Variants in THAP9 observed in about 807,000 individuals in gnomAD.
THAP9 encodes the protein THAP domain containing 9, also known as DNA transposase THAP9.
In THAP9, 20 loss-of-function variants were observed where a neutral mutation model predicts 35.7. The ratio of observed to expected loss-of-function variants is 0.56; its 90% CI spans 0.39 to 0.81. The LOEUF (loss-of-function observed/expected upper bound fraction) is 0.81, where lower values mean the gene tolerates loss of function less well. THAP9 is among the 40% of genes least tolerant of loss of function. The pLI, the probability that THAP9 is intolerant of heterozygous loss-of-function variation, is 0.00. For synonymous variants in THAP9, 335 were observed against 373.7 expected, an observed-to-expected ratio of 0.90 and a Z score of 1.19; for missense variants, 870 against 1,047.4, an observed-to-expected ratio of 0.83 and a Z score of 2.34.
rs746134534 is a variant in THAP9 at position 82,901,085 on chromosome 4, C to T, written c.80+203C>T. 7 of 727,398 alleles carry T rather than the reference C, an allele frequency of 9.6e-6. No homozygotes were observed. In the Middle Eastern group the frequency reaches 9.1e-4, roughly 94 times the overall value. The allele number at this position is 727,398 out of a possible 1,614,324, so 45.1% of individuals were successfully genotyped here. ...CTCTCTTCCCGCCCAGTGTTTACCT[C>T]TGAATAGCCGGTTCTCGCACCGCCT... On this transcript the variant is annotated intron_variant, in intron 1 of 4. Coordinates refer to ENST00000302236, the MANE Select transcript of THAP9 (RefSeq NM_024672.6).
chr4:82,914,484 C>T (rs566250068), intron 4 of THAP9, among the ~76,000 whole-genome samples: 58 of 152,310 alleles, frequency 3.8e-4, no homozygotes, highest in African/African-American at 1.3e-3. Flanking sequence ...TTGCCAGCAT[C>T]TATTATTTGT....
chr4:82,901,319 C>T, intron 1 of THAP9: 1 of 372,568 alleles, frequency 2.7e-6, no homozygotes. Context: ...TGTGCAAGGC[C>T]GGTCCGATTC....
chr4:82,915,444 A>T (rs1269167979), intron 4 of THAP9, among the ~76,000 whole-genome samples: 1 of 151,966 alleles, frequency 6.6e-6, no homozygotes, highest in African/African-American at 2.4e-5. Flanking sequence ...TTTAGTAGAG[A>T]TGAGGTTTCA....
intron 3 of THAP9, among the ~76,000 whole-genome samples, chr4:82,907,179 A>G (rs1720678889): frequency 6.6e-6 from 1 of 152,168 alleles, no homozygotes; most frequent in South Asian, 2.1e-4. Context: ...CAAAATAAAA[A>G]TTGCCAACTT....
chr4:82,906,776 C>T lies in THAP9; in HGVS notation c.580+149C>T, dbSNP rs563046723. 6 of 730,110 alleles carry T rather than the reference C, an allele frequency of 8.2e-6. No homozygotes were observed. In the East Asian group the frequency reaches 1.8e-4, roughly 22 times the overall value. 45.2% of individuals were successfully genotyped at this position (730,110 alleles called of 1,614,324 possible). ...GCTTAAGAAGAATGAAAATTAATCA[C>T]CAAAATTCTTTTGTATCTTATGGTT... On this transcript the variant is annotated intron_variant, in intron 3 of 4. Coordinates refer to ENST00000302236, the MANE Select transcript of THAP9 (RefSeq NM_024672.6).
Position 82,917,066 on chromosome 4 carries a change from C to G in THAP9, c.854C>G (p.Pro285Arg), listed in dbSNP as rs1228719002. The change falls in exon 5 of 5, where the codon CCT becomes CGT. Residue 285 changes from proline (P) to arginine (R), a missense_variant. Pro to Arg is a moderately radical substitution (Grantham distance 103, BLOSUM62 -2). Around this residue, in one of 3 missense-constraint regions of THAP9, gnomAD observed 440 missense variants for 501.2 expected, o/e 0.88. Coordinates refer to ENST00000302236, the MANE Select transcript of THAP9 (RefSeq NM_024672.6). The stretch of plus-strand genomic sequence containing the variant: ...TGTTCATTGTTAATAAAAAGTATGC[C>G]TCTCAAGCAACAGCTTCAGTGGGAT... ...QYCSLLIKSM[P>R]LKQQLQWDPS... The G allele has an allele frequency of 6.2e-7, 1 of 1,613,194 alleles. No individual in the cohort carries two copies. Among genetic ancestry groups the G allele is most frequent in the Non-Finnish European group, 8.5e-7 (1 of 1,179,688 alleles).
chr4:82,914,337 A>G (rs762463093), intron 4 of THAP9, among the ~76,000 whole-genome samples: 4 of 152,206 alleles, frequency 2.6e-5, no homozygotes, highest in Admixed American at 6.5e-5. Context: ...TCCTCTGGGT[A>G]TATAACCAGT....
Position 82,904,726 on chromosome 4 carries a change from A to G in THAP9, c.81-10A>G. On this transcript the variant is annotated splice_polypyrimidine_tract_variant and intron_variant, in intron 1 of 4. Transcript: ENST00000302236. Reference sequence around the variant, plus strand: ...TTCATGTTAATGGAACTTTAATGTGATTGTCATAGATTTCCAACTGATACC... The same window carrying G: ...TTCATGTTAATGGAACTTTAATGTGGTTGTCATAGATTTCCAACTGATACC... 6.2e-7 allele frequency: 1 copy of G among 1,613,856 alleles called. No homozygotes were observed. Among genetic ancestry groups the G allele is most frequent in the South Asian group, 1.1e-5 (1 of 91,076 alleles).
chr4:82,908,035 C>A (rs1265889651), intron 4 of THAP9, 100 bp downstream of exon 4: 11 of 1,251,294 alleles, frequency 8.8e-6, no homozygotes, highest in Admixed American at 5.2e-5. Flanking sequence ...CCATATTATT[C>A]TTTTGTTGCA....
chr4:82,905,754 G>T (rs1720619690), intron 2 of THAP9: 2 of 399,184 alleles, frequency 5.0e-6, no homozygotes, highest in Admixed American at 6.2e-5. Context: ...AATAATGGCT[G>T]CCATGTGTTG....
At position 82,917,722 on chromosome 4, in the gene THAP9, TGTATTG is replaced by T. The variant is rs1420187201; in HGVS notation, c.1514_1519del (p.Ile505_Gly506del). On this transcript the variant is annotated inframe_deletion, in exon 5 of 5. Coordinates refer to ENST00000302236, the MANE Select transcript of THAP9 (RefSeq NM_024672.6). The stretch of plus-strand genomic sequence containing the variant: ...CTTAGACCTGCCACCTTTTCAAAAC[TGTATTG>T]GTACCATCCATTTTTTACGTTTAAT... 1.2e-6 allele frequency: 2 copies of T among 1,613,516 alleles called. No individual in the cohort carries two copies. Among genetic ancestry groups the T allele is most frequent in the Non-Finnish European group, 1.7e-6 (2 of 1,179,756 alleles).
chr4:82,917,261 A>C lies in THAP9; in HGVS notation c.1049A>C (p.Gln350Pro). The change falls in exon 5 of 5, where the codon CAG becomes CCG. Residue 350 changes from glutamine to proline, a missense_variant. Coordinates refer to ENST00000302236, the MANE Select transcript of THAP9 (RefSeq NM_024672.6). ...GTAAACAGAGCATCTGGATATTTGC[A>C]GGCTCAGCTGCTTCGTCTGACTATT... is the stretch of plus-strand genomic sequence containing the variant. ...FFVNRASGYL[Q>P]AQLLRLTIGK... The C allele has an allele frequency of 6.2e-7, 1 of 1,614,168 alleles. No homozygotes were observed. Among genetic ancestry groups the C allele is most frequent in the South Asian group, 1.1e-5 (1 of 91,084 alleles).
chr4:82,911,013 T>C (rs1481923261), intron 4 of THAP9, among the ~76,000 whole-genome samples: 2 of 152,146 alleles, frequency 1.3e-5, no homozygotes, highest in African/African-American at 2.4e-5. Flanking sequence ...GAGAAGGGTC[T>C]GTAGGTAGAA....
chr4:82,914,371 T>C (rs1420174259), intron 4 of THAP9, among the ~76,000 whole-genome samples: 1 of 152,216 alleles, frequency 6.6e-6, no homozygotes, highest in Non-Finnish European at 1.5e-5. Context: ...GATAAAATCA[T>C]AGTTCGCTTT....
rs1560699545 is a variant in THAP9 at position 82,917,789 on chromosome 4, GT to G, written c.1579del (p.Tyr527MetfsTer17). The G allele has an allele frequency of 1.2e-6, 2 of 1,613,938 alleles. No individual in the cohort carries two copies. Among genetic ancestry groups the G allele is most frequent in the African/African-American group, 2.7e-5 (2 of 75,036 alleles). On this transcript the variant is annotated frameshift_variant, in exon 5 of 5. Coordinates refer to ENST00000302236, the MANE Select transcript of THAP9 (RefSeq NM_024672.6). LOFTEE classifies it high-confidence loss of function. ...TTTGACATCTTTAATAGTAGGAACTGTTATGGAAAGGGACTTAAAGGGCCTC... is the reference window on the plus strand; with the variant it reads ...TTTGACATCTTTAATAGTAGGAACTGTATGGAAAGGGACTTAAAGGGCCTC... The part of the protein sequence containing the change: ...NLFDIFNSRN[C>X]YGKGLKGPLL...
rs780382339 is a variant in THAP9, at chr4:82,900,773, C to G, written c.-30C>G. The G allele has an allele frequency of 6.2e-7, 1 of 1,613,194 alleles. No individual in the cohort carries two copies. The highest frequency in any genetic ancestry group is 8.5e-7 in the Non-Finnish European group (1 of 1,179,724). ...TCGTGATTCATGCTGTCGCGGGAAC[C>G]CCGAAGGTGGGGCCCCACGTAACAA... On this transcript the variant is annotated 5_prime_UTR_variant, in exon 1 of 5. Coordinates refer to ENST00000302236, the MANE Select transcript of THAP9 (RefSeq NM_024672.6).
At position 82,902,080 on chromosome 4, in the gene THAP9, T is replaced by G. The variant is rs546614921; in HGVS notation, c.80+1198T>G. 1.1e-3 allele frequency among the ~76,000 whole-genome samples: 166 copies of G among 151,074 alleles called. 1 individual carries two copies. The highest frequency in any genetic ancestry group is 2.0e-3 in the Non-Finnish European group (135 of 67,836). ...TCAAAACTAGTTATGCTAGTTAGAT[T>G]ACAATATTTCCCAACATTTTCCTTC... On this transcript the variant is annotated intron_variant, in intron 1 of 4. Transcript: ENST00000302236.
intron 1 of THAP9, among the ~76,000 whole-genome samples, chr4:82,902,593 C>T (rs1054989318): frequency 3.9e-5 from 6 of 152,118 alleles, no homozygotes; most frequent in African/African-American, 1.4e-4. Flanking sequence ...TTGAGGGTTC[C>T]TTGCACGTTT....
rs1721060419 is a variant in THAP9, at chr4:82,917,162, T to G, written c.950T>G (p.Leu317Arg). 5.6e-6 allele frequency: 9 copies of G among 1,613,708 alleles called. No homozygotes were observed. In the East Asian group the frequency reaches 2.0e-4, roughly 36 times the overall value. ...LGKLDADETP[L>R]ASETVLLMAV... ...AAACTTGATGCTGATGAAACGCCAC[T>G]TGCTTCAGAAACTGTTTTGTTAATG... Residue 317 changes from leucine to arginine, a missense_variant, in exon 5 of 5, where the codon CTT becomes CGT. By Grantham distance (102) the Leu-to-Arg change is moderately radical. Around this residue, in one of 3 missense-constraint regions of THAP9, gnomAD observed 440 missense variants for 501.2 expected, o/e 0.88. Coordinates refer to ENST00000302236, the MANE Select transcript of THAP9 (RefSeq NM_024672.6).
Sources: allele counts gnomAD v4.1 joint callset (sites outside exome capture counted in the v4.1 genomes callset), GRCh38; gene constraint gnomAD v4.1.1; regional missense constraint gnomAD v4.1.1; transcripts MANE v1.5; gene names NCBI Gene and HGNC (gene_info 2026-07-23, HGNC 2026-07-21).